POLR3B: variants seen among roughly 807,000 people sequenced by gnomAD.
POLR3B encodes the protein DNA-directed RNA polymerase III subunit RPC2.
In POLR3B, 96 loss-of-function variants were observed where a neutral mutation model predicts 147.4. That is an observed-to-expected ratio of 0.65 (90% confidence interval 0.55 to 0.77). The LOEUF (loss-of-function observed/expected upper bound fraction) is 0.77. Among genes scored for constraint, POLR3B ranks in the 30% least tolerant of loss-of-function variants. The pLI, the probability that POLR3B is intolerant of heterozygous loss-of-function variation, is 0.00. For missense variants in POLR3B, 1,036 were observed against 1,413.5 expected, an observed-to-expected ratio of 0.73 and a Z score of 4.28; for synonymous variants, 461 against 485.9, an observed-to-expected ratio of 0.95 and a Z score of 0.67.
chr12:106,377,767 AT>A (rs1456483301), intron 7 of POLR3B, among the ~76,000 whole-genome samples: 2 of 152,178 alleles, frequency 1.3e-5, no homozygotes, highest in Non-Finnish European at 2.9e-5. Flanking sequence ...CTTGTAGCTC[AT>A]TTGTATAAAA....
intron 12 of POLR3B, among the ~76,000 whole-genome samples, chr12:106,420,085 C>T (rs55678155): frequency 4.6e-5 from 7 of 151,818 alleles, no homozygotes; most frequent in Admixed American, 4.6e-4. Flanking sequence ...GCTCAGGAAT[C>T]TAAGAGTAAG....
chr12:106,369,991 A>G (rs1270488135), intron 6 of POLR3B, among the ~76,000 whole-genome samples: 1 of 152,140 alleles, frequency 6.6e-6, no homozygotes, highest in East Asian at 1.9e-4. Flanking sequence ...CTTGGTGGAT[A>G]GGTATATTCT....
chr12:106,360,239 C>T (rs570094196), intron 1 of POLR3B, among the ~76,000 whole-genome samples: 1 of 152,304 alleles, frequency 6.6e-6, no homozygotes, highest in African/African-American at 2.4e-5. Context: ...ATGTTGCTCC[C>T]TTGGTTAAAG....
Position 106,509,428 on chromosome 12 carries a change from A to T in POLR3B, c.3281A>T (p.Tyr1094Phe). ...GCTGACTTGCGTTTCAGGTGCCATTACTGCAAGTCATCCTGCCACGTGTCT... is the reference window on the plus strand; with the variant it reads ...GCTGACTTGCGTTTCAGGTGCCATTTCTGCAAGTCATCCTGCCACGTGTCT... ...GLLGYSGWCH[Y>F]CKSSCHVSSL... is the part of the protein sequence containing the mutation. The change falls in exon 28 of 28, where the codon TAC (tyrosine) becomes TTC (phenylalanine). Residue 1094 changes from tyrosine to phenylalanine, a missense_variant. By Grantham distance (22) the Tyr-to-Phe change is conservative (BLOSUM62 3). This residue lies in a region of POLR3B where 69 missense variants were observed against 89.8 expected (regional missense o/e 0.77). Transcript: ENST00000228347. 1 of 1,613,748 alleles carries T rather than the reference A, an allele frequency of 6.2e-7. No homozygotes were observed. The highest frequency in any genetic ancestry group is 2.2e-5 in the East Asian group (1 of 44,870).
At chr12:106,438,395 G>A (rs981054692) in intron 18 of POLR3B, among the ~76,000 whole-genome samples, 2 of 151,558 alleles carry the variant, frequency 1.3e-5, no homozygotes, top group African/African-American at 2.4e-5. Flanking sequence ...CTTCCTATTC[G>A]TGTGACAGTT....
At chr12:106,507,470 G>T (rs572065653) in intron 27 of POLR3B, among the ~76,000 whole-genome samples, 3 of 152,146 alleles carry the variant, frequency 2.0e-5, no homozygotes, top group Non-Finnish European at 4.4e-5. Context: ...GAGAAGAAGC[G>T]AAAGGTACCC....
intron 12 of POLR3B, among the ~76,000 whole-genome samples, chr12:106,419,267 A>G (rs1010265383): frequency 6.6e-6 from 1 of 152,202 alleles, no homozygotes; most frequent in African/African-American, 2.4e-5. Context: ...TTTTTAGAAC[A>G]CTTCTGACAT....
chr12:106,496,667 G>T, intron 24 of POLR3B, 85 bp from the exon 25 acceptor site: 1 of 1,147,458 alleles, frequency 8.7e-7, no homozygotes, highest in Admixed American at 1.8e-5. Context: ...AATAGTGGTC[G>T]TGGGGAAATG....
At chr12:106,362,859 T>C (rs1172055202) in intron 1 of POLR3B, among the ~76,000 whole-genome samples, 1 of 152,186 alleles carries the variant, frequency 6.6e-6, no homozygotes. Flanking sequence ...ATACTAGATA[T>C]TCAGTTACAT....
chr12:106,504,165 T>C lies in POLR3B; in HGVS notation c.3183T>C (p.Ser1061=), dbSNP rs1224949146. 1 of 1,614,128 alleles carries C rather than the reference T, an allele frequency of 6.2e-7. No individual in the cohort carries two copies. Among genetic ancestry groups the C allele is most frequent in the Non-Finnish European group, 8.5e-7 (1 of 1,179,914 alleles). The stretch of plus-strand genomic sequence containing the variant: ...ACTGTTTAATCGGTTATGGAGCCAG[T>C]ATGCTTTTGCTAGAGAGACTAATGA... ...ERDCLIGYGA[S]MLLLERLMIS... Residue 1061 remains serine (S), a synonymous_variant, in exon 27 of 28, where the codon AGT becomes AGC. Coordinates refer to ENST00000228347, the MANE Select transcript of POLR3B (RefSeq NM_018082.6). The surrounding 1 kb of genome is among the most constrained non-coding windows in gnomAD (Gnocchi z 4.6).
rs71072675 is a variant in POLR3B at position 106,405,539 on chromosome 12, T to TAC, written c.847-278_847-277dup. Among the ~76,000 whole-genome samples the TAC allele has an allele frequency of 0.17, 23,719 of 142,464 alleles. 1,895 individuals are homozygous for TAC. Among genetic ancestry groups the TAC allele is most frequent in the Non-Finnish European group, 0.18 (11,855 of 65,630 alleles). The allele number at this position is 142,464 out of a possible 152,430, so 93.5% of individuals were successfully genotyped here. ...GAAGGACTGATGGCTGCTATATGTC[T>TAC]ACACACACACACACACACACACACA... is the stretch of plus-strand genomic sequence containing the variant. On this transcript the variant is annotated intron_variant, in intron 10 of 27. Coordinates refer to ENST00000228347, the MANE Select transcript of POLR3B (RefSeq NM_018082.6).
At chr12:106,365,722 G>A (rs1160372006) in intron 2 of POLR3B, among the ~76,000 whole-genome samples, 11 of 152,024 alleles carry the variant, frequency 7.2e-5, no homozygotes, top group Admixed American at 7.2e-4. Context: ...AGCTGGGCAT[G>A]GTGGCGGGCA....
At chr12:106,359,154 G>T (rs1419051244) in intron 1 of POLR3B, among the ~76,000 whole-genome samples, 1 of 152,124 alleles carries the variant, frequency 6.6e-6, no homozygotes, top group Non-Finnish European at 1.5e-5. Context: ...GGTCGAGGCT[G>T]CAGTGAGCCG....
At chr12:106,471,599 T>G (rs1421421720) in intron 23 of POLR3B, among the ~76,000 whole-genome samples, 1 of 152,080 alleles carries the variant, frequency 6.6e-6, no homozygotes, top group African/African-American at 2.4e-5. Flanking sequence ...CCATCTTGGA[T>G]GCAGTCAGTC....
In POLR3B at chr12:106,509,782, C is replaced by G; in HGVS notation, c.*233C>G. The G allele has an allele frequency of 2.2e-6, 1 of 456,604 alleles. No individual in the cohort carries two copies. Among genetic ancestry groups the G allele is most frequent in the Non-Finnish European group, 4.0e-6 (1 of 247,284 alleles). 28.3% of individuals were successfully genotyped at this position (456,604 alleles called of 1,614,324 possible). A position where few individuals can be genotyped will look rare whatever the true frequency, so the allele number is the denominator to read the frequency against. ...GCTGACCATGTGGACTGCAAGGCTG[C>G]TTGATTCACAGATGGATGTGACCTA... On this transcript the variant is annotated 3_prime_UTR_variant, in exon 28 of 28. Transcript: ENST00000228347.
At chr12:106,366,441 T>C in intron 2 of POLR3B, 75 bp from the exon 3 acceptor site, 2 of 886,792 alleles carry the variant, frequency 2.3e-6, no homozygotes, top group Non-Finnish European at 3.8e-6. Context: ...CATTATATGA[T>C]CTATTATTTG....
At chr12:106,431,440 A>G (rs2037508935) in intron 14 of POLR3B, among the ~76,000 whole-genome samples, 1 of 152,204 alleles carries the variant, frequency 6.6e-6, no homozygotes, top group Admixed American at 6.5e-5. Flanking sequence ...CTGAAGATAC[A>G]ATCTTACAAG....
At chr12:106,409,767 G>A (rs563537797) in intron 11 of POLR3B, among the ~76,000 whole-genome samples, 115 of 151,572 alleles carry the variant, frequency 7.6e-4, no homozygotes, top group Middle Eastern at 3.4e-3. Flanking sequence ...AATGATTAAG[G>A]TAAGTAAAGA....
chr12:106,432,231 A>G (rs2137003774), intron 14 of POLR3B, 87 bp from the exon 15 acceptor site: 1 of 1,256,724 alleles, frequency 8.0e-7, no homozygotes, highest in East Asian at 2.3e-5. Flanking sequence ...CATTGCTGCC[A>G]GCAAAGTAGT....
Sources: gnomAD v4.1 joint callset for allele counts (sites outside exome capture counted in the v4.1 genomes callset) on GRCh38, gnomAD v4.1.1 for gene constraint, gnomAD v4.1.1 regional missense constraint, Gnocchi (gnomAD v3.1) non-coding constraint, MANE v1.5 for transcripts, NCBI Gene and HGNC (gene_info 2026-07-23, HGNC 2026-07-21) for gene names.